The following SESN3 variants were observed in gnomAD, a reference collection of about 807,000 sequenced individuals.
The protein encoded by SESN3 is sestrin-3.
SESN3 carries 21 observed loss-of-function variants against 55.3 expected under a neutral mutation model. That is an observed-to-expected ratio of 0.38 (90% CI 0.27 to 0.55). The LOEUF (loss-of-function observed/expected upper bound fraction) is 0.55, where lower values mean the gene tolerates loss of function less well. Ranked by LOEUF, SESN3 falls within the 20% of genes least tolerant of loss-of-function variation. The probability of loss-of-function intolerance (pLI) is 0.76; values close to 1 mark genes in which losing one functional copy is unlikely to be tolerated. For missense variants in SESN3, 408 were observed against 604.3 expected (o/e 0.68, Z 3.41); for synonymous variants, 181 against 203.1 (o/e 0.89, Z 0.93).
intron 1 of SESN3, among the ~76,000 whole-genome samples, chr11:95,194,519 C>T (rs1860325867): frequency 6.6e-6 from 1 of 152,080 alleles, no homozygotes; most frequent in Non-Finnish European, 1.5e-5. Context: ...GAGCTGTACA[C>T]ACAATCTTCA....
intron 6 of SESN3, among the ~76,000 whole-genome samples, chr11:95,182,887 C>T (rs962832336): frequency 2.0e-5 from 3 of 152,080 alleles, no homozygotes; most frequent in African/African-American, 7.2e-5. Flanking sequence ...TTACCATGTC[C>T]TCCTGTGCCC....
At chr11:95,203,567 A>G (rs1413005323) in intron 1 of SESN3, among the ~76,000 whole-genome samples, 1 of 152,186 alleles carries the variant, frequency 6.6e-6, no homozygotes, top group African/African-American at 2.4e-5. Flanking sequence ...CTGGAATAGA[A>G]TGAACAGATC....
chr11:95,216,742 T>C (rs191783157), intron 1 of SESN3, among the ~76,000 whole-genome samples: 22 of 151,740 alleles, frequency 1.4e-4, no homozygotes, highest in African/African-American at 5.3e-4. Flanking sequence ...TAGCAATAAT[T>C]AGTAAAGGAG....
chr11:95,218,341 A>G (rs1453925193), intron 1 of SESN3, among the ~76,000 whole-genome samples: 1 of 152,246 alleles, frequency 6.6e-6, no homozygotes, highest in Non-Finnish European at 1.5e-5. Flanking sequence ...AGACCCAGGC[A>G]TAAGTTGCAA....
intron 1 of SESN3, among the ~76,000 whole-genome samples, chr11:95,226,675 A>G (rs1179241581): frequency 5.9e-5 from 9 of 152,184 alleles, no homozygotes; most frequent in African/African-American, 1.9e-4. Context: ...TGACACAGTA[A>G]CAAAAAAAAA....
In SESN3 at chr11:95,229,325, T is replaced by TGAGCAA. The variant is rs550594870; in HGVS notation, c.78+1452_78+1457dup. Among the ~76,000 whole-genome samples the TGAGCAA allele has an allele frequency of 2.9e-3, 443 of 152,326 alleles. 4 individuals are homozygous for TGAGCAA. Among genetic ancestry groups the TGAGCAA allele is most frequent in the African/African-American group, 9.8e-3 (409 of 41,560 alleles). ...TCTCACAAGCTACCCTACAATGAGC[T>TGAGCAA]GAGCAAGTATCAACTGTAATTTGAT... On this transcript the variant is annotated intron_variant, in intron 1 of 9. Coordinates refer to ENST00000536441, the MANE Select transcript of SESN3 (RefSeq NM_144665.4).
intron 8 of SESN3, among the ~76,000 whole-genome samples, chr11:95,177,398 C>T (rs1035374954): frequency 6.6e-6 from 1 of 152,116 alleles, no homozygotes; most frequent in African/African-American, 2.4e-5. Context: ...TAAAGGGACA[C>T]TACACCTGTT....
At chr11:95,219,794 TGAGTAAACAAG>T in intron 1 of SESN3, among the ~76,000 whole-genome samples, 2 of 151,996 alleles carry the variant, frequency 1.3e-5, no homozygotes, top group Non-Finnish European at 2.9e-5. Context: ...TTTTTAATGC[TGAGTAAACAAG>T]TTAGGAAAGA....
intron 6 of SESN3, among the ~76,000 whole-genome samples, chr11:95,183,094 A>G (rs1364231762): frequency 6.6e-6 from 1 of 152,152 alleles, no homozygotes; most frequent in Non-Finnish European, 1.5e-5. Flanking sequence ...TACTAGAATG[A>G]GAGTGCCCTG....
intron 1 of SESN3, among the ~76,000 whole-genome samples, chr11:95,218,096 C>T (rs1427187784): frequency 1.3e-5 from 2 of 152,208 alleles, no homozygotes; most frequent in African/African-American, 4.8e-5. Context: ...TGACACATTT[C>T]TTGAGCACCA....
chr11:95,214,467 A>G (rs1011287971), intron 1 of SESN3, among the ~76,000 whole-genome samples: 2 of 152,150 alleles, frequency 1.3e-5, no homozygotes, highest in Non-Finnish European at 2.9e-5. Context: ...GCAATCTTCT[A>G]TTTACCTATG....
intron 5 of SESN3, 46 bp downstream of exon 5, chr11:95,185,209 GA>G: frequency 9.3e-7 from 1 of 1,073,230 alleles, no homozygotes; most frequent in Non-Finnish European, 1.4e-6. Context: ...TTTAATATTA[GA>G]AGTTTAAAGC....
intron 1 of SESN3, among the ~76,000 whole-genome samples, chr11:95,213,318 T>C (rs951795017): frequency 2.6e-5 from 4 of 152,210 alleles, no homozygotes; most frequent in Admixed American, 1.3e-4. Context: ...GATGATATTT[T>C]AAAGATGAGA....
intron 9 of SESN3, among the ~76,000 whole-genome samples, chr11:95,174,173 T>C (rs1249608298): frequency 6.6e-6 from 1 of 152,206 alleles, no homozygotes; most frequent in East Asian, 1.9e-4. Flanking sequence ...TGTTAGGTAC[T>C]GAAGCCATAA....
At chr11:95,192,623 T>G (rs1860288714) in intron 2 of SESN3, among the ~76,000 whole-genome samples, 1 of 152,070 alleles carries the variant, frequency 6.6e-6, no homozygotes, top group Non-Finnish European at 1.5e-5. Context: ...GGCTTCGCAG[T>G]CTGAAAAATA....
chr11:95,223,012 G>A (rs1860885695), intron 1 of SESN3, among the ~76,000 whole-genome samples: 1 of 152,166 alleles, frequency 6.6e-6, no homozygotes, highest in Non-Finnish European at 1.5e-5. Context: ...TAAGGGACAA[G>A]TTAGATACAG....
intron 9 of SESN3, among the ~76,000 whole-genome samples, chr11:95,174,333 T>C (rs1311882798): frequency 6.6e-6 from 1 of 152,258 alleles, no homozygotes; most frequent in African/African-American, 2.4e-5. Flanking sequence ...TACTATGATG[T>C]TGATAAAGAT....
chr11:95,181,009 G>C (rs1263601068), intron 6 of SESN3, among the ~76,000 whole-genome samples: 1 of 152,064 alleles, frequency 6.6e-6, no homozygotes, highest in African/African-American at 2.4e-5. Flanking sequence ...GCTATGAAAG[G>C]TAGTTTTATA....
intron 1 of SESN3, among the ~76,000 whole-genome samples, chr11:95,225,848 T>C (rs1860937856): frequency 1.3e-5 from 2 of 152,268 alleles, no homozygotes; most frequent in Admixed American, 1.3e-4. Flanking sequence ...CCACCCCCCC[T>C]TTTATTAAGC....
Sources: gnomAD v4.1 joint callset for allele counts (sites outside exome capture counted in the v4.1 genomes callset) on GRCh38, gnomAD v4.1.1 for gene constraint, MANE v1.5 for transcripts, NCBI Gene and HGNC (gene_info 2026-07-23, HGNC 2026-07-21) for gene names.